The following IL1RAPL1 variants were observed in gnomAD, a reference collection of about 807,000 sequenced individuals.
IL1RAPL1 encodes interleukin-1 receptor accessory protein-like 1.
Under a neutral mutation model 48.4 loss-of-function variants are expected in IL1RAPL1, and 3 were observed. That is an observed-to-expected ratio of 0.06 (90% confidence interval 0.03 to 0.16). IL1RAPL1 has a LOEUF of 0.16. IL1RAPL1 is among the 10% of genes least tolerant of loss of function. The pLI is 1.00. For synonymous variants in IL1RAPL1, 185 were observed against 187.7 expected (o/e 0.99, Z 0.12); for missense variants, 349 against 530.6 (o/e 0.66, Z 3.36).
intron 2 of IL1RAPL1, among the ~76,000 whole-genome samples, chrX:29,256,731 GTGA>G: frequency 9.0e-6 from 1 of 111,315 alleles, no homozygotes. Context: ...GATGATGGTG[GTGA>G]TGATAATTAT....
At chrX:29,195,272 CTG>C (rs1930421693) in intron 2 of IL1RAPL1, among the ~76,000 whole-genome samples, 1 of 111,504 alleles carries the variant, frequency 9.0e-6, no homozygotes, top group Admixed American at 9.6e-5. Flanking sequence ...AGTAGAAATT[CTG>C]TGTGTGCACA....
At chrX:29,237,983 G>A (rs1462197546) in intron 2 of IL1RAPL1, among the ~76,000 whole-genome samples, 1 of 112,516 alleles carries the variant, frequency 8.9e-6, no homozygotes, top group Non-Finnish European at 1.9e-5. Flanking sequence ...TTTATGGGGA[G>A]ACTGTGGAGG....
intron 1 of IL1RAPL1, among the ~76,000 whole-genome samples, chrX:28,599,643 A>C (rs935531808): frequency 9.0e-6 from 1 of 111,484 alleles, no homozygotes; most frequent in African/African-American, 3.3e-5. Context: ...TGAATGAGAA[A>C]TACTACTTGA....
intron 5 of IL1RAPL1, among the ~76,000 whole-genome samples, chrX:29,562,074 A>G (rs1194243858): frequency 1.3e-4 from 12 of 95,826 alleles, no homozygotes; most frequent in African/African-American, 4.2e-4. Flanking sequence ...CTATCTATCT[A>G]TCTATCTAAT....
chrX:28,753,943 A>G (rs973283187), intron 1 of IL1RAPL1, among the ~76,000 whole-genome samples: 1 of 110,812 alleles, frequency 9.0e-6, no homozygotes, highest in Admixed American at 9.7e-5. Context: ...AGAGAGAGAC[A>G]GAGAAAGAGA....
intron 5 of IL1RAPL1, among the ~76,000 whole-genome samples, chrX:29,553,855 C>A (rs1460911060): frequency 9.0e-6 from 1 of 110,629 alleles, no homozygotes; most frequent in Non-Finnish European, 1.9e-5. Flanking sequence ...TCATACTAAT[C>A]CACATTCAGT....
intron 2 of IL1RAPL1, among the ~76,000 whole-genome samples, chrX:29,220,485 CT>C (rs1930953501): frequency 8.9e-6 from 1 of 112,228 alleles, no homozygotes; most frequent in East Asian, 2.8e-4. Flanking sequence ...TGAATACTTT[CT>C]GATCTGGAAC....
chrX:29,021,173 A>G (rs1320706987), intron 2 of IL1RAPL1, among the ~76,000 whole-genome samples: 1 of 95,268 alleles, frequency 1.0e-5, no homozygotes, highest in Non-Finnish European at 2.0e-5. Flanking sequence ...AGATGGCGCC[A>G]CTGCACTCCA....
chrX:29,191,889 G>C (rs1336302820), intron 2 of IL1RAPL1, among the ~76,000 whole-genome samples: 1 of 111,434 alleles, frequency 9.0e-6, no homozygotes, highest in Non-Finnish European at 1.9e-5. Flanking sequence ...ATTTATCTTG[G>C]TCAGGGTCTA....
chrX:28,960,399 A>G (rs1209328411), intron 2 of IL1RAPL1, among the ~76,000 whole-genome samples: 2 of 112,037 alleles, frequency 1.8e-5, no homozygotes, highest in Non-Finnish European at 3.8e-5. Context: ...AGGGACTGAT[A>G]ATAGTTACGG....
chrX:29,627,803 C>G lies in IL1RAPL1; in HGVS notation c.704-40627C>G, dbSNP rs761423111. Among the ~76,000 whole-genome samples, 10 of 112,230 alleles carry G rather than the reference C, an allele frequency of 8.9e-5. No homozygotes were observed. The East Asian group carries it at 2.8e-3, about 31-fold the overall frequency. On this transcript the variant is annotated intron_variant, in intron 5 of 10. Coordinates refer to ENST00000378993, the MANE Select transcript of IL1RAPL1 (RefSeq NM_014271.4). The stretch of plus-strand genomic sequence containing the variant: ...TAGTAACTGTCTTTAGTAAGATACA[C>G]TTAGGGGAGCAGCGTGAAGTAACTC...
intron 1 of IL1RAPL1, chrX:28,659,208 C>T (rs1232268497): frequency 2.6e-6 from 2 of 755,025 alleles, no homozygotes; most frequent in African/African-American, 4.2e-5. Flanking sequence ...GCACCGATAG[C>T]TGCACTCTGG....
intron 9 of IL1RAPL1, among the ~76,000 whole-genome samples, chrX:29,950,182 T>TAAGGAGATAGAAAACTAACTGATGTC (rs1933287110): frequency 8.9e-6 from 1 of 112,229 alleles, no homozygotes; most frequent in East Asian, 2.8e-4. Flanking sequence ...CCAGATGACA[T>TAAGGAGATAGAAAACTAACTGATGTC]AAGGAGATAG....
chrX:29,502,975 C>A (rs1367757791), intron 5 of IL1RAPL1, among the ~76,000 whole-genome samples: 2 of 111,468 alleles, frequency 1.8e-5, no homozygotes, highest in Non-Finnish European at 3.8e-5. Context: ...GCTTTGATCT[C>A]ATTACCAGTT....
chrX:29,680,603 A>T (rs776508086), intron 6 of IL1RAPL1, among the ~76,000 whole-genome samples: 1 of 111,433 alleles, frequency 9.0e-6, no homozygotes, highest in Admixed American at 9.5e-5. Context: ...AAGATAGGGG[A>T]AAAAGCAATG....
chrX:28,717,970 A>G (rs1935523746), intron 1 of IL1RAPL1, among the ~76,000 whole-genome samples: 1 of 111,773 alleles, frequency 8.9e-6, no homozygotes, highest in South Asian at 3.7e-4. Context: ...CATATGATAA[A>G]TAAGTAAATA....
intron 2 of IL1RAPL1, among the ~76,000 whole-genome samples, chrX:28,997,360 T>G (rs755780225): frequency 6.3e-5 from 7 of 111,794 alleles, no homozygotes; most frequent in Admixed American, 1.9e-4. Context: ...TGCTTATTAG[T>G]AAGATAACTC....
chrX:28,754,422 T>C (rs1452656199), intron 1 of IL1RAPL1, among the ~76,000 whole-genome samples: 1 of 112,263 alleles, frequency 8.9e-6, no homozygotes, highest in Non-Finnish European at 1.9e-5. Context: ...CTTGAATATA[T>C]ATTTTCATTG....
chrX:29,572,099 A>C (rs1922613321), intron 5 of IL1RAPL1, among the ~76,000 whole-genome samples: 1 of 111,408 alleles, frequency 9.0e-6, no homozygotes, highest in Non-Finnish European at 1.9e-5. Context: ...TTTGTGTTTT[A>C]TTTTTCGTGT....
Sources: gnomAD v4.1 joint callset for allele counts (sites outside exome capture counted in the v4.1 genomes callset) on GRCh38, gnomAD v4.1.1 for gene constraint, MANE v1.5 for transcripts, NCBI Gene and HGNC (gene_info 2026-07-23, HGNC 2026-07-21) for gene names.